GLDC: variants seen among roughly 807,000 people sequenced by gnomAD.
GLDC encodes the protein glycine decarboxylase.
A neutral mutation model predicts 121.3 loss-of-function variants in GLDC; 104 were observed. The observed-to-expected ratio is 0.86, with a 90% CI of 0.73 to 1.01. GLDC has a LOEUF of 1.01. GLDC is among the 50% of genes least tolerant of loss of function. The pLI, the probability that GLDC is intolerant of heterozygous loss-of-function variation, is 0.00. For synonymous variants in GLDC, 546 were observed against 480.6 expected (o/e 1.14, Z -1.78); for missense variants, 1,429 against 1,306.6 (o/e 1.09, Z -1.44).
chr9:6,543,162 C>T (rs1268542622), intron 21 of GLDC, among the ~76,000 whole-genome samples: 1 of 152,050 alleles, frequency 6.6e-6, no homozygotes, highest in Non-Finnish European at 1.5e-5. Context: ...GTAGTTCCAG[C>T]TACTTGGGAG....
intron 9 of GLDC, among the ~76,000 whole-genome samples, chr9:6,594,732 AAAGCAAGAAAGCAAGC>A (rs556086583): frequency 3.3e-4 from 49 of 147,072 alleles, no homozygotes; most frequent in South Asian, 2.1e-3. Flanking sequence ...AGCAAACAAG[AAAGCAAGAAAGCAAGC>A]AAGCAAGAAA....
At position 6,541,410 on chromosome 9, in the gene GLDC, C is replaced by A. The variant is rs201956810; in HGVS notation, c.2570-1264G>T. On this transcript the variant is annotated intron_variant, in intron 21 of 24. Transcript: ENST00000321612. ...TTCCTCACTCTCAGCAAAAATGAATCCACTTATAGAGACTCAGAGCAAGCA... is the reference window on the plus strand; with the variant it reads ...TTCCTCACTCTCAGCAAAAATGAATACACTTATAGAGACTCAGAGCAAGCA... 5.9e-3 allele frequency: 894 copies of A among 152,322 alleles called. 9 individuals are homozygous for A. Among genetic ancestry groups the A allele is most frequent in the Non-Finnish European group, 7.7e-3 (526 of 68,034 alleles). 9.4% of individuals were successfully genotyped at this position (152,322 alleles called of 1,614,324 possible). A position where few individuals can be genotyped will look rare whatever the true frequency, so the allele number is the denominator to read the frequency against.
chr9:6,558,272 G>A (rs775195838), intron 17 of GLDC: 12 of 594,614 alleles, frequency 2.0e-5, no homozygotes, highest in Admixed American at 8.9e-5. Context: ...TGGGGAAGGC[G>A]AGAAGGAGAG....
At chr9:6,565,198 G>C (rs561343730) in intron 16 of GLDC, among the ~76,000 whole-genome samples, 156 bp downstream of exon 16, 14 of 152,178 alleles carry the variant, frequency 9.2e-5, no homozygotes, top group Non-Finnish European at 1.9e-4. Context: ...TGGAAGCAAG[G>C]ATCATAATGG....
chr9:6,588,298 T>C, intron 14 of GLDC, 103 bp downstream of exon 14: 5 of 836,464 alleles, frequency 6.0e-6, no homozygotes, highest in Non-Finnish European at 1.1e-5. Flanking sequence ...AGTTCTTCAA[T>C]CACAGAATCA....
rs749103956 is a variant in GLDC, at chr9:6,645,272, T to C, written c.228A>G (p.Arg76=). ...RHIGPGDKDQ[R]EMLQTLGLAS... is the part of the protein sequence containing the mutation. ...CCAGCCCCAAGGTCTGCAGCATCTC[T>C]CTCTGGTCTTTGTCCCCAGGGCCGA... Residue 76 remains arginine (R), a synonymous_variant, in exon 1 of 25, where the codon AGA becomes AGG. Transcript: ENST00000321612. 6.8e-5 allele frequency: 109 copies of C among 1,603,206 alleles called. No individual in the cohort carries two copies. The highest frequency in any genetic ancestry group is 8.7e-5 in the Non-Finnish European group (102 of 1,175,218).
chr9:6,591,959 A>G (rs1362802630), intron 11 of GLDC, 184 bp downstream of exon 11: 2 of 630,490 alleles, frequency 3.2e-6, no homozygotes. Context: ...TACTGGCTGG[A>G]GCCCTACAGC....
intron 15 of GLDC, among the ~76,000 whole-genome samples, chr9:6,583,097 C>T (rs1330879692): frequency 6.6e-6 from 1 of 152,046 alleles, no homozygotes; most frequent in Non-Finnish European, 1.5e-5. Flanking sequence ...GAAATCAGAA[C>T]CCTTGTGCAC....
chr9:6,587,876 T>G (rs4602948), intron 14 of GLDC, among the ~76,000 whole-genome samples: 78,569 of 151,684 alleles, frequency 0.52, 20,777 homozygotes, highest in Middle Eastern at 0.57. Flanking sequence ...GATATGTCAC[T>G]TCAGAATAAA....
In GLDC at chr9:6,550,886, G is replaced by C; in HGVS notation, c.2486C>G (p.Ala829Gly). The change falls in exon 21 of 25, where the codon GCC becomes GGC. Residue 829 changes from alanine to glycine, a missense_variant. Physicochemically the swap from Ala to Gly is moderately conservative, Grantham distance 60 (BLOSUM62 0). Coordinates refer to ENST00000321612, the MANE Select transcript of GLDC (RefSeq NM_000170.3). ...KMMGGKGLKQATETAILNANY... is the reference protein window; with the variant it reads ...KMMGGKGLKQGTETAILNANY... ...GGCATTTAATATCGCAGTTTCCGTG[G>C]CTTGTTTAAGACCCTTGCCTCCCAT... The C allele has an allele frequency of 6.2e-7, 1 of 1,612,616 alleles. No individual in the cohort carries two copies. The highest frequency in any genetic ancestry group is 8.5e-7 in the Non-Finnish European group (1 of 1,178,694).
intron 11 of GLDC, chr9:6,591,835 G>T: frequency 2.5e-5 from 2 of 81,504 alleles, no homozygotes; most frequent in Non-Finnish European, 5.2e-5. Flanking sequence ...CTGCCCCCCC[G>T]CCCCCCTGAC....
intron 2 of GLDC, among the ~76,000 whole-genome samples, chr9:6,629,763 AG>A (rs1026760827): frequency 2.6e-5 from 4 of 151,056 alleles, no homozygotes; most frequent in African/African-American, 9.8e-5. Context: ...CTATACCTAA[AG>A]TTTTACACCA....
rs368579564 is a variant in GLDC, at chr9:6,644,461, C to T, written c.334+153G>A. 359 of 680,800 alleles carry T rather than the reference C, an allele frequency of 5.3e-4. 7 individuals are homozygous for T. In the South Asian group the frequency reaches 5.4e-3, roughly 10 times the overall value. 42.2% of individuals were successfully genotyped at this position (680,800 alleles called of 1,614,324 possible). ...TCCGAGAACCAAATATCCCACCTTC[C>T]CGCGGCTCCGGAGGTACCCGCCACT... On this transcript the variant is annotated intron_variant, in intron 2 of 24. Transcript: ENST00000321612.
intron 1 of GLDC, among the ~76,000 whole-genome samples, chr9:6,645,005 T>A (rs1819711551): frequency 6.8e-6 from 1 of 147,852 alleles, no homozygotes; most frequent in African/African-American, 2.7e-5. Context: ...GGGCTGGGGG[T>A]GGTTTAAAAA....
chr9:6,644,926 G>C, intron 1 of GLDC: 1 of 619,186 alleles, frequency 1.6e-6, no homozygotes, highest in Non-Finnish European at 2.8e-6. Context: ...GGAGCTAACC[G>C]GTAAGCCCAC....
intron 21 of GLDC, among the ~76,000 whole-genome samples, chr9:6,546,477 G>C (rs1817391478): frequency 6.6e-6 from 1 of 151,186 alleles, no homozygotes; most frequent in African/African-American, 2.4e-5. Context: ...TGGGATTGCA[G>C]GCATGAGCCA....
chr9:6,639,275 C>T, intron 2 of GLDC: 1 of 903,334 alleles, frequency 1.1e-6, no homozygotes, highest in Non-Finnish European at 1.8e-6. Context: ...ACATCACCCA[C>T]CTTCCGGCGG....
At position 6,610,194 on chromosome 9, in the gene GLDC, G is replaced by A. The variant is rs776895767; in HGVS notation, c.633C>T (p.Tyr211=). 1.9e-6 allele frequency: 3 copies of A among 1,609,644 alleles called. No homozygotes were observed. The highest frequency in any genetic ancestry group is 1.1e-5 in the South Asian group (1 of 90,100). Residue 211 remains tyrosine (Y), a splice_region_variant and synonymous_variant, in exon 4 of 25, where the codon TAC becomes TAT. Coordinates refer to ENST00000321612, the MANE Select transcript of GLDC (RefSeq NM_000170.3). ...TAAAEALQLC[Y]RHNKRRKFLV... is the part of the protein sequence containing the mutation. ...CAGCACTTTGAGAGGCCTCTCACCTGTAGCACAGCTGCAGTGCCTCTGCGG... is the reference window on the plus strand; with the variant it reads ...CAGCACTTTGAGAGGCCTCTCACCTATAGCACAGCTGCAGTGCCTCTGCGG...
In GLDC at chr9:6,592,130, T is replaced by C. The variant is rs374894047; in HGVS notation, c.1482+13A>G. ...TAGTTATGATGAGGAACGCATGTTT[T>C]TATTTTACTTACTGCAGATGACTCA... On this transcript the variant is annotated intron_variant, in intron 11 of 24. Transcript: ENST00000321612. 4 of 1,527,044 alleles carry C rather than the reference T, an allele frequency of 2.6e-6. No individual in the cohort carries two copies. Among genetic ancestry groups the C allele is most frequent in the Non-Finnish European group, 3.6e-6 (4 of 1,100,746 alleles). The allele number at this position is 1,527,044 out of a possible 1,614,324, so 94.6% of individuals were successfully genotyped here.
Sources: allele counts gnomAD v4.1 joint callset (sites outside exome capture counted in the v4.1 genomes callset), GRCh38; gene constraint gnomAD v4.1.1; transcripts MANE v1.5; gene names NCBI Gene and HGNC (gene_info 2026-07-23, HGNC 2026-07-21).